Variants in ATXN7 observed in about 807,000 individuals in gnomAD.
The protein encoded by ATXN7 is ataxin 7.
ATXN7 carries 12 observed loss-of-function variants against 70.5 expected under a neutral mutation model. The observed-to-expected ratio is 0.17, with a 90% CI of 0.11 to 0.28. The LOEUF (loss-of-function observed/expected upper bound fraction) is 0.28. Ranked by LOEUF, ATXN7 falls within the 10% of genes least tolerant of loss-of-function variation. ATXN7 has a pLI of 1.00. For synonymous variants in ATXN7, 498 were observed against 448.7 expected, an observed-to-expected ratio of 1.11 and a Z score of -1.39; for missense variants, 1,256 against 1,131.7, an observed-to-expected ratio of 1.11 and a Z score of -1.58.
At chr3:63,984,803 C>T (rs899899808) in intron 8 of ATXN7, among the ~76,000 whole-genome samples, 4 of 152,144 alleles carry the variant, frequency 2.6e-5, no homozygotes, top group African/African-American at 7.2e-5. Flanking sequence ...TCCCTTCAGC[C>T]GCTGGCAGCC....
chr3:63,943,268 G>T (rs564874384), intron 4 of ATXN7, among the ~76,000 whole-genome samples: 15 of 152,344 alleles, frequency 9.8e-5, no homozygotes, highest in Admixed American at 3.3e-4. Flanking sequence ...AAAGCGGAGA[G>T]TTCGAAGAGA....
At chr3:63,921,572 A>T (rs1255939282) in intron 4 of ATXN7, among the ~76,000 whole-genome samples, 1 of 152,182 alleles carries the variant, frequency 6.6e-6, no homozygotes, top group Non-Finnish European at 1.5e-5. Flanking sequence ...TTATTTCCAA[A>T]AGCGTGTTCC....
chr3:63,990,440 G>C lies in ATXN7; in HGVS notation c.1560+66G>C. ...AGCATGGACAGGGCACTGCAGGGGG[G>C]CGCGCCAGGGATCTTGGCATGCCCG... On this transcript the variant is annotated intron_variant, in intron 10 of 12. Coordinates refer to ENST00000674280, the MANE Select transcript of ATXN7 (RefSeq NM_001377405.1). The C allele has an allele frequency of 1.9e-6, 3 of 1,574,904 alleles. No individual in the cohort carries two copies. In the Admixed American group the frequency reaches 5.1e-5, roughly 27 times the overall value.
intron 2 of ATXN7, among the ~76,000 whole-genome samples, chr3:63,899,307 C>T (rs1432062955): frequency 1.3e-5 from 2 of 151,958 alleles, no homozygotes; most frequent in Non-Finnish European, 2.9e-5. Flanking sequence ...AGTGATCCAC[C>T]CGCCTTGACC....
chr3:63,882,270 T>A (rs1257945696), intron 1 of ATXN7, among the ~76,000 whole-genome samples: 1 of 152,204 alleles, frequency 6.6e-6, no homozygotes. Context: ...AGTTAAAATA[T>A]CTATCTTGTC....
At chr3:63,916,255 T>C (rs1236838811) in intron 4 of ATXN7, among the ~76,000 whole-genome samples, 2 of 152,218 alleles carry the variant, frequency 1.3e-5, no homozygotes, top group African/African-American at 4.8e-5. Context: ...CAACTGTTGA[T>C]AACCTGACTT....
chr3:63,863,598 G>A, upstream of ATXN7: 1 of 1,196,800 alleles, frequency 8.4e-7, no homozygotes, highest in Non-Finnish European at 1.0e-6. Flanking sequence ...AAGGACTCAG[G>A]GAAGCAGCCG....
chr3:63,996,724 T>C (rs2075767098), intron 12 of ATXN7: 1 of 527,810 alleles, frequency 1.9e-6, no homozygotes, highest in Non-Finnish European at 3.3e-6. Flanking sequence ...GTAAAGAAAC[T>C]ACAGTAATGC....
intron 12 of ATXN7, chr3:63,998,795 T>C: frequency 4.4e-6 from 3 of 686,124 alleles, no homozygotes; most frequent in Non-Finnish European, 5.4e-6. Flanking sequence ...AATGCTGCTG[T>C]TACAAAAGTA....
rs779450176 is a variant in ATXN7 at position 63,999,605 on chromosome 3, C to T, written c.*138C>T. 2.6e-5 allele frequency: 39 copies of T among 1,474,266 alleles called. No individual in the cohort carries two copies. Among genetic ancestry groups the T allele is most frequent in the African/African-American group, 1.5e-4 (11 of 71,446 alleles). 91.3% of individuals were successfully genotyped at this position (1,474,266 alleles called of 1,614,324 possible). On this transcript the variant is annotated 3_prime_UTR_variant, in exon 13 of 13. Coordinates refer to ENST00000674280, the MANE Select transcript of ATXN7 (RefSeq NM_001377405.1). ...GTGGGCCTCAAGGGTAGAAACCTGC[C>T]GGGCTGTTGTTTTAACGAGGATTTC...
intron 5 of ATXN7, among the ~76,000 whole-genome samples, chr3:63,976,473 C>T (rs926771155): frequency 6.6e-6 from 1 of 152,152 alleles, no homozygotes; most frequent in South Asian, 2.1e-4. Context: ...GATAGATTGT[C>T]ATTCTTAGTT....
chr3:63,867,915 TAAAG>T (rs1702484534), intron 1 of ATXN7, among the ~76,000 whole-genome samples: 1 of 152,064 alleles, frequency 6.6e-6, no homozygotes, highest in Admixed American at 6.6e-5. Flanking sequence ...AATAAATAAA[TAAAG>T]TTGTCTTCAG....
chr3:63,955,289 G>A (rs530599459), intron 5 of ATXN7, among the ~76,000 whole-genome samples: 1 of 152,350 alleles, frequency 6.6e-6, no homozygotes, highest in South Asian at 2.1e-4. Context: ...CTGGCAGAAA[G>A]ATGAGGGCCA....
rs909839741 is a variant in ATXN7 at position 63,864,097 on chromosome 3, C to T, written c.-172C>T. Among the ~76,000 whole-genome samples the T allele has an allele frequency of 1.9e-4, 28 of 146,692 alleles. No homozygotes were observed. The highest frequency in any genetic ancestry group is 1.5e-3 in the South Asian group (7 of 4,796). On this transcript the variant is annotated 5_prime_UTR_variant, in exon 1 of 13. Coordinates refer to ENST00000674280, the MANE Select transcript of ATXN7 (RefSeq NM_001377405.1). ...CTGCAGCCCGGGCTCCCGCCGCCCCCCTTGCAGCCCCCGCCCGGCCCACGC... is the reference window on the plus strand; with the variant it reads ...CTGCAGCCCGGGCTCCCGCCGCCCCTCTTGCAGCCCCCGCCCGGCCCACGC...
At position 63,996,530 on chromosome 3, in the gene ATXN7, CTT is replaced by C. The variant is rs916990037; in HGVS notation, c.2661+48_2661+49del. On this transcript the variant is annotated intron_variant, in intron 12 of 12. Coordinates refer to ENST00000674280, the MANE Select transcript of ATXN7 (RefSeq NM_001377405.1). The stretch of plus-strand genomic sequence containing the variant: ...CCATGGGAATGCCCATTTCTTCTCC[CTT>C]AAGATCTTTTGTCAGCTCAGAAATG... The C allele has an allele frequency of 1.9e-6, 3 of 1,572,216 alleles. No homozygotes were observed. In the African/African-American group the frequency reaches 4.1e-5, roughly 21 times the overall value.
In ATXN7 at chr3:63,875,556, C is replaced by T. The variant is rs376492033; in HGVS notation, c.-111+11398C>T. ...TCCCCACAGATAGCCAGGTGAGGAG[C>T]TGATTTACCCCATCTCTTCTTGCCA... On this transcript the variant is annotated intron_variant, in intron 1 of 12. Coordinates refer to ENST00000674280, the MANE Select transcript of ATXN7 (RefSeq NM_001377405.1). Among the ~76,000 whole-genome samples the T allele has an allele frequency of 2.4e-4, 36 of 152,294 alleles. 1 individual carries two copies. The highest frequency in any genetic ancestry group is 8.4e-4 in the African/African-American group (35 of 41,562).
At position 63,912,776 on chromosome 3, in the gene ATXN7, C is replaced by A; in HGVS notation, c.178C>A (p.Pro60Thr). Residue 60 changes from proline (P) to threonine (T), a missense_variant, in exon 3 of 13, where the codon CCG becomes ACG. Transcript: ENST00000674280. The stretch of plus-strand genomic sequence containing the variant: ...GCCACCGCCGCCACGGCGCACACGG[C>A]CGGAGGACGGCGGGCCCGGCGCCGC... ...HPPPPPRRTR[P>T]EDGGPGAAST... 1 of 1,495,362 alleles carries A rather than the reference C, an allele frequency of 6.7e-7. No homozygotes were observed. 92.6% of individuals were successfully genotyped at this position (1,495,362 alleles called of 1,614,324 possible).
At chr3:63,947,026 T>C (rs2074875306) in intron 4 of ATXN7, among the ~76,000 whole-genome samples, 1 of 152,134 alleles carries the variant, frequency 6.6e-6, no homozygotes, top group Admixed American at 6.5e-5. Flanking sequence ...TACTGGAAAT[T>C]GCCAGGGGTG....
At chr3:63,978,043 A>G (rs570986778) in intron 5 of ATXN7, among the ~76,000 whole-genome samples, 2 of 152,332 alleles carry the variant, frequency 1.3e-5, no homozygotes, top group South Asian at 2.1e-4. Flanking sequence ...TGCCATGCAC[A>G]TGATAACTTA....
Sources: gnomAD v4.1 joint callset for allele counts (sites outside exome capture counted in the v4.1 genomes callset) on GRCh38, gnomAD v4.1.1 for gene constraint, MANE v1.5 for transcripts, NCBI Gene and HGNC (gene_info 2026-07-23, HGNC 2026-07-21) for gene names.